DLGAP2: variants seen among roughly 807,000 people sequenced by gnomAD.
DLGAP2 encodes the protein DLG associated protein 2, also known as disks large-associated protein 2.
In DLGAP2, 26 loss-of-function variants were observed where a neutral mutation model predicts 100.3. The observed-to-expected ratio is 0.26, with a 90% CI of 0.19 to 0.36. The LOEUF (loss-of-function observed/expected upper bound fraction) is 0.36. Among genes scored for constraint, DLGAP2 ranks in the 10% least tolerant of loss-of-function variants. DLGAP2 has a pLI of 1.00. For missense variants in DLGAP2, 1,858 were observed against 1,453.2 expected (o/e 1.28, Z -4.53); for synonymous variants, 886 against 630.1 (o/e 1.41, Z -6.08).
At position 1,179,196 on chromosome 8, in the gene DLGAP2, C is replaced by T. The variant is rs370880961; in HGVS notation, c.74-79655C>T. On this transcript the variant is annotated intron_variant, in intron 2 of 14. Transcript: ENST00000637795. ...TGCCCAAAGAAAGTAAATGGCAAAG[C>T]CTGTTGTTTTTCTCCACTTTGCAAT... Among the ~76,000 whole-genome samples, 208 of 152,350 alleles carry T rather than the reference C, an allele frequency of 1.4e-3. 9 individuals carry two copies. The South Asian group carries it at 0.038, about 28-fold the overall frequency.
chr8:1,240,436 C>T (rs1798762022), intron 2 of DLGAP2, among the ~76,000 whole-genome samples: 1 of 150,832 alleles, frequency 6.6e-6, no homozygotes, highest in African/African-American at 2.4e-5. Flanking sequence ...GTGTCTAGTT[C>T]TGTCACATGG....
chr8:1,549,161 G>T lies in DLGAP2; in HGVS notation c.708G>T (p.Val236=). Residue 236 remains valine, a synonymous_variant, in exon 5 of 15, where the codon GTG becomes GTT. Coordinates refer to ENST00000637795, the MANE Select transcript of DLGAP2 (RefSeq NM_001346810.2). ...GGATCCGCCACCTGGTACACTCCGT[G>T]CAGAAGCTCTTCACCAAGTCGCACT... ...PGRIRHLVHS[V]QKLFTKSHSL... 6.3e-7 allele frequency: 1 copy of T among 1,597,514 alleles called. No individual in the cohort carries two copies. Among genetic ancestry groups the T allele is most frequent in the Non-Finnish European group, 8.5e-7 (1 of 1,173,184 alleles).
At chr8:750,481 A>G (rs1207222721) in intron 1 of DLGAP2, among the ~76,000 whole-genome samples, 2 of 152,290 alleles carry the variant, frequency 1.3e-5, no homozygotes, top group African/African-American at 4.8e-5. Flanking sequence ...CTGAGTGCAT[A>G]AAAATTGACA....
chr8:1,407,751 A>T lies in DLGAP2; in HGVS notation c.107-93615A>T, dbSNP rs1290558306. ...ACTGAGCGCCAGCTCGTCATCCTCC[A>T]GAGTCGTGTATTGAGTGCTTACTGA... On this transcript the variant is annotated intron_variant, in intron 3 of 14. Coordinates refer to ENST00000637795, the MANE Select transcript of DLGAP2 (RefSeq NM_001346810.2). Among the ~76,000 whole-genome samples the T allele has an allele frequency of 2.5e-5, 3 of 120,980 alleles. 1 individual carries two copies. Among genetic ancestry groups the T allele is most frequent in the African/African-American group, 7.4e-5 (2 of 27,032 alleles). The allele number at this position is 120,980 out of a possible 152,430, so 79.4% of individuals were successfully genotyped here. A position where few individuals can be genotyped will look rare whatever the true frequency, so the allele number is the denominator to read the frequency against.
chr8:1,225,436 G>A (rs547738762), intron 2 of DLGAP2, among the ~76,000 whole-genome samples: 21 of 152,322 alleles, frequency 1.4e-4, no homozygotes, highest in Admixed American at 1.4e-3. Flanking sequence ...AGAGGAGAAT[G>A]GGGAACGGTC....
In DLGAP2 at chr8:869,088, T is replaced by A. The variant is rs534244354; in HGVS notation, c.19-38824T>A. Among the ~76,000 whole-genome samples, 9 of 152,266 alleles carry A rather than the reference T, an allele frequency of 5.9e-5. No individual in the cohort carries two copies. The South Asian group carries it at 1.9e-3, about 32-fold the overall frequency. On this transcript the variant is annotated intron_variant, in intron 1 of 14. Coordinates refer to ENST00000637795, the MANE Select transcript of DLGAP2 (RefSeq NM_001346810.2). Reference sequence around the variant, plus strand: ...TTTCTGGGCCGGCTGCCCTGGGCCCTCCCTTCCTTCCTCTCCTCCTCGAGA... The same window carrying A: ...TTTCTGGGCCGGCTGCCCTGGGCCCACCCTTCCTTCCTCTCCTCCTCGAGA...
Position 1,701,449 on chromosome 8 carries a change from G to A in DLGAP2, c.*43G>A, listed in dbSNP as rs17749616. 4.6e-6 allele frequency: 7 copies of A among 1,537,574 alleles called. No individual in the cohort carries two copies. The East Asian group carries it at 7.3e-5, about 16-fold the overall frequency. On this transcript the variant is annotated 3_prime_UTR_variant, in exon 15 of 15. Transcript: ENST00000637795. ...TTCCCCTCGTCGCTTCCGCTTTCCC[G>A]GACGCTTGTGCAGCGCGGCGCCGCC...
At chr8:1,302,436 T>C (rs896985528) in intron 3 of DLGAP2, 1 of 124,528 alleles carries the variant, frequency 8.0e-6, no homozygotes, top group Non-Finnish European at 1.8e-5. Context: ...GCTCCACACC[T>C]GGGACCGGAC....
At chr8:1,570,994 G>A (rs545474841) in intron 6 of DLGAP2, among the ~76,000 whole-genome samples, 2 of 144,290 alleles carry the variant, frequency 1.4e-5, no homozygotes, top group Admixed American at 6.9e-5. Flanking sequence ...CTGATGAGAT[G>A]GAGAAGAGAG....
At chr8:866,660 C>T (rs1357813162) in intron 1 of DLGAP2, among the ~76,000 whole-genome samples, 1 of 152,210 alleles carries the variant, frequency 6.6e-6, no homozygotes, top group Non-Finnish European at 1.5e-5. Flanking sequence ...CCTGTGACGG[C>T]TCCTGGGAGC....
chr8:1,601,603 G>GCAT (rs397813770), intron 6 of DLGAP2, among the ~76,000 whole-genome samples: 1 of 151,990 alleles, frequency 6.6e-6, no homozygotes, highest in Non-Finnish European at 1.5e-5. Context: ...TTTACAGACA[G>GCAT]ATCAGACCGA....
chr8:1,533,970 A>G (rs1460113233), intron 4 of DLGAP2, among the ~76,000 whole-genome samples: 1 of 152,246 alleles, frequency 6.6e-6, no homozygotes, highest in Non-Finnish European at 1.5e-5. Context: ...ATAAAATACT[A>G]TGAATACATA....
rs577949931 is a variant in DLGAP2, at chr8:1,627,974, C to G, written c.1590+1087C>G. Among the ~76,000 whole-genome samples, 114 of 139,198 alleles carry G rather than the reference C, an allele frequency of 8.2e-4. 2 individuals carry two copies. The highest frequency in any genetic ancestry group is 3.3e-3 in the African/African-American group (108 of 32,654). The allele number at this position is 139,198 out of a possible 152,430, so 91.3% of individuals were successfully genotyped here. On this transcript the variant is annotated intron_variant, in intron 7 of 14. Transcript: ENST00000637795. ...TGAGCTGACCTCACATTCTCTCTGA[C>G]TTACTGTGGAGCAGGGATTAAGAGC...
chr8:764,573 G>A (rs552639280), intron 1 of DLGAP2, among the ~76,000 whole-genome samples: 4 of 152,282 alleles, frequency 2.6e-5, no homozygotes, highest in Admixed American at 6.5e-5. Context: ...CTTGTCACCC[G>A]AGTCCAAGCT....
At chr8:1,156,973 T>A (rs1299782064) in intron 2 of DLGAP2, among the ~76,000 whole-genome samples, 1 of 152,060 alleles carries the variant, frequency 6.6e-6, no homozygotes, top group Non-Finnish European at 1.5e-5. Context: ...AATTCTCCAC[T>A]GTTACAGCTC....
At chr8:1,586,717 G>A (rs531755631) in intron 6 of DLGAP2, among the ~76,000 whole-genome samples, 17 of 152,334 alleles carry the variant, frequency 1.1e-4, no homozygotes, top group Admixed American at 2.6e-4. Flanking sequence ...GTCACTGGAC[G>A]GACACACTGC....
intron 3 of DLGAP2, among the ~76,000 whole-genome samples, chr8:1,408,021 G>A (rs1796620416): frequency 6.6e-6 from 1 of 152,208 alleles, no homozygotes; most frequent in Non-Finnish European, 1.5e-5. Flanking sequence ...ACTCAGCACT[G>A]GATGCCAGTC....
At chr8:1,249,408 G>T (rs4419836) in intron 2 of DLGAP2, among the ~76,000 whole-genome samples, 129,541 of 152,178 alleles carry the variant, frequency 0.85, 55,355 homozygotes, top group African/African-American at 0.92. Flanking sequence ...AGGTGTTTCT[G>T]AACTACTGAG....
intron 2 of DLGAP2, among the ~76,000 whole-genome samples, chr8:1,190,050 G>T (rs1356043384): frequency 1.3e-5 from 2 of 152,230 alleles, no homozygotes; most frequent in African/African-American, 4.8e-5. Context: ...GAGTTGGCAG[G>T]CTAATTACGG....
Sources: gnomAD v4.1 joint callset for allele counts (sites outside exome capture counted in the v4.1 genomes callset) on GRCh38, gnomAD v4.1.1 for gene constraint, MANE v1.5 for transcripts, NCBI Gene and HGNC (gene_info 2026-07-23, HGNC 2026-07-21) for gene names.